DLG2: variants seen among roughly 807,000 people sequenced by gnomAD.
DLG2 encodes the protein discs large MAGUK scaffold protein 2.
In DLG2, 45 loss-of-function variants were observed where a neutral mutation model predicts 132.5. The observed-to-expected ratio is 0.34, with a 90% CI of 0.27 to 0.44. DLG2 has a LOEUF of 0.44. Ranked by LOEUF, DLG2 falls within the 20% of genes least tolerant of loss-of-function variation. The pLI, the probability that DLG2 is intolerant of heterozygous loss-of-function variation, is 1.00. For missense variants in DLG2, 1,045 were observed against 1,196.9 expected (o/e 0.87, Z 1.87); for synonymous variants, 424 against 419.6 (o/e 1.01, Z -0.13).
At chr11:84,543,619 T>C (rs2099383691) in intron 6 of DLG2, among the ~76,000 whole-genome samples, 1 of 152,172 alleles carries the variant, frequency 6.6e-6, no homozygotes, top group South Asian at 2.1e-4. Flanking sequence ...GATAAATGTT[T>C]GTTGAATAAG....
chr11:84,613,729 A>G (rs1417735501), intron 6 of DLG2, among the ~76,000 whole-genome samples: 1 of 152,188 alleles, frequency 6.6e-6, no homozygotes, highest in African/African-American at 2.4e-5. Flanking sequence ...ATCCTTCTTT[A>G]GAATGCTTCA....
At chr11:83,965,556 T>C (rs929818286) in intron 12 of DLG2, 88 bp from the exon 13 acceptor site, 24 of 1,083,730 alleles carry the variant, frequency 2.2e-5, no homozygotes, top group Non-Finnish European at 3.1e-5. Context: ...GAATTATAAA[T>C]TGTGATAATT....
intron 6 of DLG2, among the ~76,000 whole-genome samples, chr11:85,006,956 A>C (rs2058712112): frequency 6.6e-6 from 1 of 152,206 alleles, no homozygotes; most frequent in Non-Finnish European, 1.5e-5. Context: ...TAGAATTTTA[A>C]TTAAAAAGCC....
intron 6 of DLG2, among the ~76,000 whole-genome samples, chr11:85,060,801 G>A (rs1339855632): frequency 6.6e-6 from 1 of 151,570 alleles, no homozygotes; most frequent in African/African-American, 2.4e-5. Context: ...CAGAAACAGT[G>A]TATAAGGGTT....
At chr11:85,273,164 T>C (rs550497136) in intron 4 of DLG2, among the ~76,000 whole-genome samples, 2 of 152,228 alleles carry the variant, frequency 1.3e-5, no homozygotes, top group African/African-American at 4.8e-5. Flanking sequence ...GAAGAAAACC[T>C]AGGCAATACC....
In DLG2 at chr11:84,636,357, T is replaced by C. The variant is rs529230160; in HGVS notation, c.358-101626A>G. ...ATTGAAAAGTAGTATAACTGTGACATTGAAGTTAAGGAGACTAGGATTCAA... is the reference window on the plus strand; with the variant it reads ...ATTGAAAAGTAGTATAACTGTGACACTGAAGTTAAGGAGACTAGGATTCAA... On this transcript the variant is annotated intron_variant, in intron 6 of 27. Coordinates refer to ENST00000376104, the MANE Select transcript of DLG2 (RefSeq NM_001142699.3). Among the ~76,000 whole-genome samples the C allele has an allele frequency of 9.8e-5, 15 of 152,332 alleles. No individual in the cohort carries two copies. In the South Asian group the frequency reaches 2.5e-3, roughly 25 times the overall value.
chr11:84,097,233 A>T (rs906517351), intron 10 of DLG2, among the ~76,000 whole-genome samples: 2 of 152,096 alleles, frequency 1.3e-5, no homozygotes, highest in Admixed American at 1.3e-4. Flanking sequence ...TTAGGCTTTG[A>T]CCTTAGGCTT....
intron 6 of DLG2, among the ~76,000 whole-genome samples, chr11:84,540,268 G>A (rs1384707899): frequency 6.6e-6 from 1 of 150,808 alleles, no homozygotes; most frequent in South Asian, 2.1e-4. Context: ...TACAGAATGG[G>A]AGAAAATTTT....
intron 18 of DLG2, among the ~76,000 whole-genome samples, chr11:83,681,465 T>C (rs1032527434): frequency 3.3e-5 from 5 of 152,188 alleles, no homozygotes; most frequent in Non-Finnish European, 7.4e-5. Context: ...ACAACAGTCA[T>C]GCCTTCTGCA....
At chr11:84,182,845 C>T (rs1303251504) in intron 8 of DLG2, among the ~76,000 whole-genome samples, 1 of 151,182 alleles carries the variant, frequency 6.6e-6, no homozygotes, top group Non-Finnish European at 1.5e-5. Flanking sequence ...TGATAAGCCT[C>T]TAGCTAGGCT....
intron 3 of DLG2, among the ~76,000 whole-genome samples, chr11:85,344,726 T>C (rs1356459935): frequency 6.6e-6 from 1 of 152,226 alleles, no homozygotes; most frequent in Non-Finnish European, 1.5e-5. Flanking sequence ...CTACAGGCTA[T>C]ATTTTATAAC....
At chr11:84,796,673 T>C (rs2074655175) in intron 6 of DLG2, among the ~76,000 whole-genome samples, 1 of 151,978 alleles carries the variant, frequency 6.6e-6, no homozygotes, top group Non-Finnish European at 1.5e-5. Context: ...TAAACTATTC[T>C]AGGGTAATTT....
intron 11 of DLG2, among the ~76,000 whole-genome samples, chr11:83,989,949 A>G (rs943345296): frequency 6.6e-6 from 1 of 152,182 alleles, no homozygotes; most frequent in South Asian, 2.1e-4. Context: ...TGAAAAAGAA[A>G]TAGCTCTGGA....
intron 19 of DLG2, among the ~76,000 whole-genome samples, chr11:83,614,137 G>T (rs2060475065): frequency 6.6e-6 from 1 of 152,220 alleles, no homozygotes; most frequent in African/African-American, 2.4e-5. Flanking sequence ...TCCAAATTCA[G>T]TGTAGGGTGG....
At chr11:84,326,774 A>G (rs772785129) in intron 7 of DLG2, among the ~76,000 whole-genome samples, 1 of 152,072 alleles carries the variant, frequency 6.6e-6, no homozygotes, top group African/African-American at 2.4e-5. Flanking sequence ...TTCCTTATCA[A>G]TCCTCTGTCT....
At chr11:85,277,050 A>C (rs999858302) in intron 4 of DLG2, among the ~76,000 whole-genome samples, 4 of 152,188 alleles carry the variant, frequency 2.6e-5, no homozygotes, top group Non-Finnish European at 5.9e-5. Flanking sequence ...AGATGAAAAC[A>C]AAGGGAAAAA....
rs558113738 is a variant in DLG2, at chr11:84,834,327, T to C, written c.357+277334A>G. On this transcript the variant is annotated intron_variant, in intron 6 of 27. Transcript: ENST00000376104. Reference sequence around the variant, plus strand: ...CTTCTCAATCTCCATCACCTGGGAATGATCTTTTCCAGCTGAGGTAAACTT... The same window carrying C: ...CTTCTCAATCTCCATCACCTGGGAACGATCTTTTCCAGCTGAGGTAAACTT... Among the ~76,000 whole-genome samples the C allele has an allele frequency of 2.6e-5, 4 of 151,732 alleles. No homozygotes were observed. In the South Asian group the frequency reaches 8.3e-4, roughly 31 times the overall value.
intron 11 of DLG2, among the ~76,000 whole-genome samples, chr11:84,043,903 C>T (rs1403565711): frequency 6.6e-6 from 1 of 151,662 alleles, no homozygotes; most frequent in Non-Finnish European, 1.5e-5. Context: ...TATTTCAGCA[C>T]TTTTTAATTG....
chr11:84,217,568 T>A (rs2096853385), intron 8 of DLG2, among the ~76,000 whole-genome samples: 1 of 152,162 alleles, frequency 6.6e-6, no homozygotes, highest in African/African-American at 2.4e-5. Context: ...GAAAATGGAC[T>A]AATACAACCA....
Sources: gnomAD v4.1 joint callset for allele counts (sites outside exome capture counted in the v4.1 genomes callset) on GRCh38, gnomAD v4.1.1 for gene constraint, MANE v1.5 for transcripts, NCBI Gene and HGNC (gene_info 2026-07-23, HGNC 2026-07-21) for gene names.